SLC25A26: variants seen among roughly 807,000 people sequenced by gnomAD.
SLC25A26 encodes solute carrier family 25 member 26.
In SLC25A26, 36 loss-of-function variants were observed where a neutral mutation model predicts 37.8. The observed-to-expected ratio is 0.95, with a 90% confidence interval of 0.73 to 1.26. The LOEUF is 1.26. SLC25A26 is among the 50% of genes most tolerant of loss of function. The pLI, the probability that SLC25A26 is intolerant of heterozygous loss-of-function variation, is 0.00. For missense variants in SLC25A26, 390 were observed against 331.1 expected, an observed-to-expected ratio of 1.18 and a Z score of -1.38; for synonymous variants, 129 against 122.5, an observed-to-expected ratio of 1.05 and a Z score of -0.35.
chr3:66,157,332 G>A (rs2070297034), intron 1 of SLC25A26, among the ~76,000 whole-genome samples: 1 of 152,164 alleles, frequency 6.6e-6, no homozygotes, highest in Non-Finnish European at 1.5e-5. Flanking sequence ...GCTCATGCCT[G>A]TAATCCTAGC....
At chr3:66,157,311 T>TG (rs1333754124) in intron 1 of SLC25A26, among the ~76,000 whole-genome samples, 1 of 152,186 alleles carries the variant, frequency 6.6e-6, no homozygotes, top group Non-Finnish European at 1.5e-5. Context: ...GCTTGCAGGC[T>TG]GGGGGCAGTG....
chr3:66,358,617 G>C (rs899527211), intron 6 of SLC25A26, among the ~76,000 whole-genome samples: 17 of 152,274 alleles, frequency 1.1e-4, no homozygotes, highest in Middle Eastern at 6.8e-3. Flanking sequence ...CCTACTCGCT[G>C]TTTAATCTGT....
At chr3:66,314,762 T>G (rs973371493) in intron 5 of SLC25A26, among the ~76,000 whole-genome samples, 2 of 93,578 alleles carry the variant, frequency 2.1e-5, no homozygotes, top group Non-Finnish European at 4.8e-5. Context: ...CTTTTTTTTG[T>G]TTTTTTTTTT....
intron 1 of SLC25A26, among the ~76,000 whole-genome samples, chr3:66,188,591 G>A (rs2070874987): frequency 6.6e-6 from 1 of 152,166 alleles, no homozygotes; most frequent in African/African-American, 2.4e-5. Flanking sequence ...TTCTATGAGT[G>A]GAGGCAGCCT....
At chr3:66,208,648 A>T in intron 1 of SLC25A26, among the ~76,000 whole-genome samples, 1 of 55,474 alleles carries the variant, frequency 1.8e-5, no homozygotes, top group Non-Finnish European at 4.4e-5. Flanking sequence ...ATATACACAC[A>T]CACCTTTATA....
chr3:66,292,354 CA>C (rs1294618081), intron 5 of SLC25A26, among the ~76,000 whole-genome samples: 3 of 150,742 alleles, frequency 2.0e-5, no homozygotes, highest in Admixed American at 2.0e-4. Context: ...CGATGCTAGG[CA>C]AAATAACCTA....
chr3:66,278,153 C>T (rs1275053222), intron 5 of SLC25A26, among the ~76,000 whole-genome samples: 2 of 152,070 alleles, frequency 1.3e-5, no homozygotes, highest in Non-Finnish European at 1.5e-5. Flanking sequence ...GAGAAGCCAG[C>T]ATATATGTGA....
At chr3:66,296,965 A>T (rs1275199233) in intron 5 of SLC25A26, among the ~76,000 whole-genome samples, 1 of 152,212 alleles carries the variant, frequency 6.6e-6, no homozygotes, top group African/African-American at 2.4e-5. Flanking sequence ...AAGCCATGTG[A>T]CAAGAGTCCA....
chr3:66,194,146 T>C (rs2070998081), intron 1 of SLC25A26, among the ~76,000 whole-genome samples: 1 of 152,232 alleles, frequency 6.6e-6, no homozygotes, highest in Admixed American at 6.5e-5. Context: ...CAAGGTGGGC[T>C]CATGGACAGG....
intron 5 of SLC25A26, among the ~76,000 whole-genome samples, chr3:66,266,544 G>A (rs1037558416): frequency 6.9e-6 from 1 of 145,142 alleles, no homozygotes; most frequent in African/African-American, 2.6e-5. Flanking sequence ...AGATAGATTC[G>A]GTGTTCTTTA....
chr3:66,170,059 T>C (rs2070474431), intron 1 of SLC25A26, among the ~76,000 whole-genome samples: 1 of 152,218 alleles, frequency 6.6e-6, no homozygotes, highest in Non-Finnish European at 1.5e-5. Flanking sequence ...CCAGTATTTT[T>C]GCTTTGCAAG....
intron 3 of SLC25A26, among the ~76,000 whole-genome samples, chr3:66,256,277 C>G (rs1250857580): frequency 6.6e-6 from 1 of 152,034 alleles, no homozygotes; most frequent in Non-Finnish European, 1.5e-5. Flanking sequence ...TACTGGTAAG[C>G]TGTTTAATCT....
chr3:66,220,441 G>A (rs1456697114), upstream of SLC25A26, among the ~76,000 whole-genome samples: 3 of 152,186 alleles, frequency 2.0e-5, no homozygotes, highest in Non-Finnish European at 2.9e-5. Context: ...CGAACAACAT[G>A]AGCAGGTAAA....
intron 9 of SLC25A26, among the ~76,000 whole-genome samples, chr3:66,377,164 A>G (rs995325421): frequency 6.6e-6 from 1 of 152,206 alleles, no homozygotes; most frequent in Non-Finnish European, 1.5e-5. Flanking sequence ...GCTGGTTAGC[A>G]GCACCTTCTG....
intron 1 of SLC25A26, among the ~76,000 whole-genome samples, chr3:66,199,831 C>T (rs2071087288): frequency 6.6e-6 from 1 of 152,100 alleles, no homozygotes; most frequent in Non-Finnish European, 1.5e-5. Flanking sequence ...GACACCTGAT[C>T]CTTATGCAGA....
intron 5 of SLC25A26, among the ~76,000 whole-genome samples, chr3:66,304,698 T>G (rs961885919): frequency 1.3e-5 from 2 of 152,232 alleles, no homozygotes; most frequent in East Asian, 3.8e-4. Flanking sequence ...ATATCCAGTT[T>G]CCTTTCTCTC....
rs924816164 is a variant in SLC25A26, at chr3:66,173,720, C to A, written c.-354+39736C>A. ...GTTTGATTTGCATTCCTCATAGTGACACAGTGTCTGCCACCTGGCACTGTG... is the reference window on the plus strand; with the variant it reads ...GTTTGATTTGCATTCCTCATAGTGAAACAGTGTCTGCCACCTGGCACTGTG... On this transcript the variant is annotated intron_variant, in intron 1 of 10. Transcript: ENST00000676754. Among the ~76,000 whole-genome samples, 12 of 152,184 alleles carry A rather than the reference C, an allele frequency of 7.9e-5. No homozygotes were observed. The East Asian group carries it at 2.3e-3, about 29-fold the overall frequency.
chr3:66,243,092 C>A, intron 2 of SLC25A26, 111 bp from the exon 3 acceptor site: 2 of 613,092 alleles, frequency 3.3e-6, no homozygotes, highest in Non-Finnish European at 5.8e-6. Context: ...ATCACCTTTT[C>A]TCTTATCTCA....
chr3:66,263,317 G>A lies in SLC25A26; in HGVS notation c.406-15G>A, dbSNP rs1049319067. 5.0e-6 allele frequency: 8 copies of A among 1,607,894 alleles called. No homozygotes were observed. The highest frequency in any genetic ancestry group is 6.8e-6 in the Non-Finnish European group (8 of 1,175,404). ...TGCCATTCTTTCTGAACTCTCGGCT[G>A]TGTGTTTGTTTCAGGGTATCCAAGG... On this transcript the variant is annotated splice_polypyrimidine_tract_variant and intron_variant, in intron 4 of 9. Coordinates refer to ENST00000354883, the MANE Select transcript of SLC25A26 (RefSeq NM_001379210.1).
Sources: allele counts gnomAD v4.1 joint callset (sites outside exome capture counted in the v4.1 genomes callset), GRCh38; gene constraint gnomAD v4.1.1; transcripts MANE v1.5; gene names NCBI Gene and HGNC (gene_info 2026-07-23, HGNC 2026-07-21).